The following CNOT10 variants were observed in gnomAD, a reference collection of about 807,000 sequenced individuals.
CNOT10 encodes CCR4-NOT transcription complex, subunit 10.
CNOT10 carries 30 observed loss-of-function variants against 94.6 expected under a neutral mutation model. The observed-to-expected ratio is 0.32, with a 90% CI of 0.24 to 0.43. The LOEUF is 0.43. CNOT10 is among the 20% of genes least tolerant of loss of function. CNOT10 has a pLI of 1.00. For synonymous variants in CNOT10, 289 were observed against 301.6 expected (o/e 0.96, Z 0.43); for missense variants, 759 against 877.2 (o/e 0.87, Z 1.70).
intron 18 of CNOT10, among the ~76,000 whole-genome samples, chr3:32,772,851 C>T (rs1700973767): frequency 6.6e-6 from 1 of 152,008 alleles, no homozygotes; most frequent in South Asian, 2.1e-4. Flanking sequence ...TAGTGCATTG[C>T]CCTAGATTGT....
chr3:32,737,355 C>A, intron 12 of CNOT10, 55 bp from the exon 13 acceptor site: 1 of 1,298,496 alleles, frequency 7.7e-7, no homozygotes, highest in Non-Finnish European at 1.1e-6. Flanking sequence ...CAAAATTTTA[C>A]GTTTAATTAT....
chr3:32,755,541 G>A (rs1174312843), intron 13 of CNOT10, among the ~76,000 whole-genome samples: 4 of 151,524 alleles, frequency 2.6e-5, no homozygotes, highest in Non-Finnish European at 5.9e-5. Context: ...TTGCTGTGAG[G>A]CTACTTTGTA....
At chr3:32,712,166 T>G (rs1309477592) in intron 4 of CNOT10, among the ~76,000 whole-genome samples, 6 of 143,634 alleles carry the variant, frequency 4.2e-5, no homozygotes, top group South Asian at 4.5e-4. Flanking sequence ...TTTGTTTGTT[T>G]TTTTTTTTTT....
intron 5 of CNOT10, among the ~76,000 whole-genome samples, chr3:32,714,341 A>G (rs1330420370): frequency 6.6e-6 from 1 of 152,074 alleles, no homozygotes; most frequent in African/African-American, 2.4e-5. Context: ...TTAAGACAAT[A>G]GAATCCATAA....
chr3:32,714,937 A>C (rs1698054234), intron 5 of CNOT10, among the ~76,000 whole-genome samples: 1 of 152,206 alleles, frequency 6.6e-6, no homozygotes, highest in Non-Finnish European at 1.5e-5. Flanking sequence ...TTGATGTTTA[A>C]AAAGAAAATA....
At chr3:32,710,776 A>G (rs931693521) in intron 4 of CNOT10, among the ~76,000 whole-genome samples, 2 of 151,898 alleles carry the variant, frequency 1.3e-5, no homozygotes, top group African/African-American at 4.8e-5. Flanking sequence ...GCTGGAGTGC[A>G]GTGGCGTGAA....
At chr3:32,689,246 G>A (rs772117330) in intron 1 of CNOT10, among the ~76,000 whole-genome samples, 9 of 152,020 alleles carry the variant, frequency 5.9e-5, no homozygotes, top group Admixed American at 2.0e-4. Context: ...CCAGCTACTC[G>A]GGAGGCTGAA....
In CNOT10 at chr3:32,717,267, A is replaced by G. The variant is rs1430099575; in HGVS notation, c.744+30A>G. ...GTTTCTTCTGGACTTTTGTTTTTCA[A>G]TTTGTGTCTTTCTTATTTAGACTAT... On this transcript the variant is annotated intron_variant, in intron 7 of 18. Transcript: ENST00000328834. 6 of 1,404,328 alleles carry G rather than the reference A, an allele frequency of 4.3e-6. No individual in the cohort carries two copies. In the South Asian group the frequency reaches 7.2e-5, roughly 17 times the overall value. The allele number at this position is 1,404,328 out of a possible 1,614,324, so 87.0% of individuals were successfully genotyped here. A position where few individuals can be genotyped will look rare whatever the true frequency, so the allele number is the denominator to read the frequency against.
intron 14 of CNOT10, among the ~76,000 whole-genome samples, chr3:32,761,683 G>A (rs1408297839): frequency 6.6e-5 from 10 of 151,328 alleles, no homozygotes; most frequent in South Asian, 2.1e-4. Context: ...AGCCTCCTGC[G>A]TAGCTGGGAT....
At chr3:32,723,408 A>G (rs1369429847) in intron 8 of CNOT10, among the ~76,000 whole-genome samples, 2 of 152,104 alleles carry the variant, frequency 1.3e-5, no homozygotes, top group African/African-American at 4.8e-5. Flanking sequence ...AAAAAAAAGA[A>G]AAGAGAATAT....
intron 1 of CNOT10, among the ~76,000 whole-genome samples, chr3:32,698,034 C>A (rs1296459334): frequency 6.6e-6 from 1 of 152,196 alleles, no homozygotes; most frequent in Admixed American, 6.5e-5. Flanking sequence ...TCCTGTGTCA[C>A]ATTTTTACAC....
chr3:32,685,372 G>A lies in CNOT10; in HGVS notation c.-89G>A, dbSNP rs1696551439. 77 of 1,479,580 alleles carry A rather than the reference G, an allele frequency of 5.2e-5. No individual in the cohort carries two copies. In the South Asian group the frequency reaches 9.0e-4, roughly 17 times the overall value. The allele number at this position is 1,479,580 out of a possible 1,614,324, so 91.7% of individuals were successfully genotyped here. A position where few individuals can be genotyped will look rare whatever the true frequency, so the allele number is the denominator to read the frequency against. On this transcript the variant is annotated 5_prime_UTR_variant, in exon 1 of 19. Coordinates refer to ENST00000328834, the MANE Select transcript of CNOT10 (RefSeq NM_015442.3). Reference sequence around the variant, plus strand: ...CCGGAGCCGGGGTAGGCACAGAGTTGTCCTCGGAGGTCCAGGACAGCGGCC... The same window carrying A: ...CCGGAGCCGGGGTAGGCACAGAGTTATCCTCGGAGGTCCAGGACAGCGGCC...
At chr3:32,727,432 A>T (rs570518108) in intron 9 of CNOT10, among the ~76,000 whole-genome samples, 1 of 152,244 alleles carries the variant, frequency 6.6e-6, no homozygotes, top group East Asian at 1.9e-4. Context: ...TTGCCTGAGG[A>T]GCTGGCAAAT....
At chr3:32,760,974 T>A (rs1428954410) in intron 14 of CNOT10, among the ~76,000 whole-genome samples, 1 of 151,418 alleles carries the variant, frequency 6.6e-6, no homozygotes, top group East Asian at 2.0e-4. Context: ...ACTGAAAATA[T>A]GAAAATTAGC....
At position 32,739,793 on chromosome 3, in the gene CNOT10, C is replaced by T. The variant is rs1699374465; in HGVS notation, c.1595+2303C>T. 6.6e-5 allele frequency among the ~76,000 whole-genome samples: 10 copies of T among 152,140 alleles called. No individual in the cohort carries two copies. The South Asian group carries it at 1.2e-3, about 19-fold the overall frequency. ...TACAAAAGTTGGCCAGGTGTGGTGG[C>T]GGGTGCCTGTAATTCCAGCTACTTG... On this transcript the variant is annotated intron_variant, in intron 13 of 18. Transcript: ENST00000328834.
chr3:32,728,305 A>G (rs1049106822), intron 10 of CNOT10, among the ~76,000 whole-genome samples: 3 of 151,854 alleles, frequency 2.0e-5, no homozygotes, highest in Non-Finnish European at 2.9e-5. Context: ...CTTCTTAACC[A>G]CTGGGGGAAA....
intron 8 of CNOT10, among the ~76,000 whole-genome samples, chr3:32,721,060 C>CG (rs779437501): frequency 1.0e-4 from 10 of 97,704 alleles, no homozygotes; most frequent in South Asian, 4.1e-4. Context: ...TCTTTCCTTT[C>CG]TTTTTTTTTT....
chr3:32,714,673 C>T (rs1242295426), intron 5 of CNOT10, among the ~76,000 whole-genome samples: 5 of 152,174 alleles, frequency 3.3e-5, no homozygotes, highest in Admixed American at 3.3e-4. Context: ...TACGCCACTG[C>T]ACTCCAGCCT....
At chr3:32,687,445 TTTTTTTG>T (rs1472818375) in intron 1 of CNOT10, among the ~76,000 whole-genome samples, 11 of 68,060 alleles carry the variant, frequency 1.6e-4, no homozygotes, top group Admixed American at 5.6e-4. Context: ...CACGGTTTTT[TTTTTTTG>T]TTTTTTTTTT....
Sources: gnomAD v4.1 joint callset for allele counts (sites outside exome capture counted in the v4.1 genomes callset) on GRCh38, gnomAD v4.1.1 for gene constraint, MANE v1.5 for transcripts, NCBI Gene and HGNC (gene_info 2026-07-23, HGNC 2026-07-21) for gene names.